LCMT1: variants seen among roughly 807,000 people sequenced by gnomAD.
The protein encoded by LCMT1 is leucine carboxyl methyltransferase 1.
LCMT1 carries 32 observed loss-of-function variants against 47.7 expected under a neutral mutation model. The ratio of observed to expected loss-of-function variants is 0.67; its 90% CI spans 0.51 to 0.90. The LOEUF (loss-of-function observed/expected upper bound fraction) is 0.90. Ranked by LOEUF, LCMT1 falls within the 40% of genes least tolerant of loss-of-function variation. The probability of loss-of-function intolerance (pLI) is 0.00; values close to 1 mark genes in which losing one functional copy is unlikely to be tolerated. For missense variants in LCMT1, 375 were observed against 415.2 expected, an observed-to-expected ratio of 0.90 and a Z score of 0.84; for synonymous variants, 152 against 149.7, an observed-to-expected ratio of 1.02 and a Z score of -0.11.
At position 25,178,130 on chromosome 16, in the gene LCMT1, C is replaced by A; in HGVS notation, c.*107C>A. 2 of 991,842 alleles carry A rather than the reference C, an allele frequency of 2.0e-6. No individual in the cohort carries two copies. The highest frequency in any genetic ancestry group is 3.2e-6 in the Non-Finnish European group (2 of 633,608). 61.4% of individuals were successfully genotyped at this position (991,842 alleles called of 1,614,324 possible). ...CGGGCCTCGTCCGCAGGTCTCATCC[C>A]ACACTCTTGAGAAGCCTTGGTCACT... On this transcript the variant is annotated 3_prime_UTR_variant, in exon 11 of 11. Transcript: ENST00000399069.
At chr16:25,151,369 G>A (rs1241723798) in intron 4 of LCMT1, among the ~76,000 whole-genome samples, 185 bp from the exon 5 acceptor site, 2 of 152,186 alleles carry the variant, frequency 1.3e-5, no homozygotes, top group East Asian at 1.9e-4. Context: ...AAGTTTTACC[G>A]TATGTGCTTA....
chr16:25,126,100 T>C, intron 1 of LCMT1: 1 of 1,351,768 alleles, frequency 7.4e-7, no homozygotes, highest in Non-Finnish European at 9.8e-7. Flanking sequence ...CCTGTTGCAG[T>C]CACCTGGGTT....
At chr16:25,118,132 A>C (rs905135178) in intron 1 of LCMT1, among the ~76,000 whole-genome samples, 3 of 152,062 alleles carry the variant, frequency 2.0e-5, no homozygotes, top group African/African-American at 7.2e-5. Flanking sequence ...GGCCCATTTG[A>C]TCTTGTCACT....
At chr16:25,149,843 G>T (rs150762489) in intron 4 of LCMT1, among the ~76,000 whole-genome samples, 2,388 of 150,018 alleles carry the variant, frequency 0.016, 60 homozygotes, top group African/African-American at 0.056. Context: ...AGCCCAGGAG[G>T]TCGAGGCTGC....
At chr16:25,175,893 A>T (rs1396919658) in intron 10 of LCMT1, among the ~76,000 whole-genome samples, 2 of 152,196 alleles carry the variant, frequency 1.3e-5, no homozygotes, top group African/African-American at 4.8e-5. Flanking sequence ...TAAGCCTTGT[A>T]GCCCAAAACA....
intron 1 of LCMT1, among the ~76,000 whole-genome samples, chr16:25,117,994 A>G (rs1188991200): frequency 6.6e-6 from 1 of 152,020 alleles, no homozygotes; most frequent in Non-Finnish European, 1.5e-5. Flanking sequence ...AAAGGAATCA[A>G]CTTTCCTTAA....
intron 4 of LCMT1, chr16:25,147,223 G>C (rs925467605): frequency 6.6e-6 from 1 of 152,182 alleles, no homozygotes; most frequent in African/African-American, 2.4e-5. Flanking sequence ...ACCAAAAAAA[G>C]GAACTTGGAT....
At chr16:25,139,026 G>A (rs1323899335) in intron 3 of LCMT1, among the ~76,000 whole-genome samples, 3 of 151,828 alleles carry the variant, frequency 2.0e-5, no homozygotes, top group Non-Finnish European at 4.4e-5. Flanking sequence ...TGCAACCTCC[G>A]TTTCCCGGGT....
At chr16:25,125,114 C>G (rs1960122702) in intron 1 of LCMT1, among the ~76,000 whole-genome samples, 4 of 152,130 alleles carry the variant, frequency 2.6e-5, no homozygotes, top group African/African-American at 9.7e-5. Flanking sequence ...AAGTGATGTT[C>G]TCTGGGTTTT....
chr16:25,119,961 C>CGTCT (rs1219014078), intron 1 of LCMT1, among the ~76,000 whole-genome samples: 1 of 151,840 alleles, frequency 6.6e-6, no homozygotes, highest in Non-Finnish European at 1.5e-5. Context: ...GAGATGGAGA[C>CGTCT]CATCCTGGCT....
At chr16:25,129,979 C>T (rs2141646911) in intron 2 of LCMT1, among the ~76,000 whole-genome samples, 1 of 152,198 alleles carries the variant, frequency 6.6e-6, no homozygotes, top group Admixed American at 6.5e-5. Flanking sequence ...CCTGGTAATT[C>T]TCAGATGAGG....
At chr16:25,124,686 G>A (rs1431297158) in intron 1 of LCMT1, among the ~76,000 whole-genome samples, 2 of 152,118 alleles carry the variant, frequency 1.3e-5, no homozygotes, top group African/African-American at 4.8e-5. Context: ...CTGTTGGAGG[G>A]GATTTCACAC....
chr16:25,130,682 C>T (rs1194655461), intron 2 of LCMT1, among the ~76,000 whole-genome samples: 4 of 152,170 alleles, frequency 2.6e-5, no homozygotes, highest in Admixed American at 6.5e-5. Context: ...TTTTCCTCCC[C>T]GGCTCACAGT....
intron 1 of LCMT1, among the ~76,000 whole-genome samples, chr16:25,127,735 C>G (rs1405798072): frequency 6.6e-6 from 1 of 152,200 alleles, no homozygotes; most frequent in African/African-American, 2.4e-5. Context: ...AATCGATGTT[C>G]AGAGGTAGAG....
Position 25,178,098 on chromosome 16 carries a change from C to A in LCMT1, c.*75C>A, listed in dbSNP as rs745704716. ...GGAGGAGACCTGCAAGCTCCCTGAG[C>A]GGTGGGCGGGCCTCGTCCGCAGGTC... On this transcript the variant is annotated 3_prime_UTR_variant, in exon 11 of 11. Transcript: ENST00000399069. The A allele has an allele frequency of 6.8e-7, 1 of 1,469,584 alleles. No individual in the cohort carries two copies. The highest frequency in any genetic ancestry group is 1.2e-5 in the South Asian group (1 of 86,830). 91.0% of individuals were successfully genotyped at this position (1,469,584 alleles called of 1,614,324 possible).
intron 4 of LCMT1, chr16:25,147,963 TCC>T (rs34631286): frequency 3.9e-5 from 6 of 152,222 alleles, no homozygotes. Flanking sequence ...AAATGATACA[TCC>T]CAGGTGTGAG....
chr16:25,140,298 G>T, intron 4 of LCMT1, 51 bp downstream of exon 4: 3 of 1,328,252 alleles, frequency 2.3e-6, no homozygotes, highest in Non-Finnish European at 3.2e-6. Flanking sequence ...TTCAGATCCA[G>T]CTCTCAAGAG....
At position 25,139,000 on chromosome 16, in the gene LCMT1, C is replaced by A. The variant is rs140480937; in HGVS notation, c.328-1171C>A. ...TTGTCGCCAGGCTGGAGTGCAGCAG[C>A]GCGATCTCAGCTCACTGCAACCTCC... On this transcript the variant is annotated intron_variant, in intron 3 of 10. Transcript: ENST00000399069. Among the ~76,000 whole-genome samples, 206 of 152,104 alleles carry A rather than the reference C, an allele frequency of 1.4e-3. 1 individual carries two copies. The highest frequency in any genetic ancestry group is 4.8e-3 in the African/African-American group (199 of 41,514).
intron 7 of LCMT1, among the ~76,000 whole-genome samples, chr16:25,167,181 C>A (rs984010914): frequency 1.3e-5 from 2 of 152,206 alleles, no homozygotes; most frequent in Admixed American, 1.3e-4. Flanking sequence ...TCTGCTCCCA[C>A]CCACCACCCT....
Sources: allele counts gnomAD v4.1 joint callset (sites outside exome capture counted in the v4.1 genomes callset), GRCh38; gene constraint gnomAD v4.1.1; transcripts MANE v1.5; gene names NCBI Gene and HGNC (gene_info 2026-07-23, HGNC 2026-07-21).